The following SYNE1 variants were observed in gnomAD, a reference collection of about 807,000 sequenced individuals.
SYNE1 encodes nesprin-1.
SYNE1 carries 616 observed loss-of-function variants against 1,111.0 expected under a neutral mutation model. The observed-to-expected ratio is 0.55, with a 90% CI of 0.52 to 0.59. The LOEUF (loss-of-function observed/expected upper bound fraction) is 0.59. SYNE1 is among the 20% of genes least tolerant of loss of function. SYNE1 has a pLI of 0.00. For missense variants in SYNE1, 10,006 were observed against 10,417.0 expected, an observed-to-expected ratio of 0.96 and a Z score of 1.72; for synonymous variants, 3,855 against 3,825.8, an observed-to-expected ratio of 1.01 and a Z score of -0.28.
chr6:152,605,128 GGAGAAA>G (rs2099611453), intron 3 of SYNE1, among the ~76,000 whole-genome samples: 1 of 128,536 alleles, frequency 7.8e-6, no homozygotes, highest in Admixed American at 8.4e-5. Context: ...AAGGAAGGAA[GGAGAAA>G]GGAAAAAATT....
At chr6:152,593,586 A>G (rs1360607130) in intron 3 of SYNE1, among the ~76,000 whole-genome samples, 1 of 152,164 alleles carries the variant, frequency 6.6e-6, no homozygotes, top group African/African-American at 2.4e-5. Flanking sequence ...CTTTAAAAAA[A>G]AAAATGACAT....
chr6:152,634,707 A>T (rs1341305104), intron 2 of SYNE1, among the ~76,000 whole-genome samples: 1 of 152,246 alleles, frequency 6.6e-6, no homozygotes, highest in Non-Finnish European at 1.5e-5. Flanking sequence ...GTATAGCAGA[A>T]ATCAGCATGA....
chr6:152,248,043 T>C (rs565371752), intron 105 of SYNE1, among the ~76,000 whole-genome samples: 1 of 152,180 alleles, frequency 6.6e-6, no homozygotes, highest in African/African-American at 2.4e-5. Flanking sequence ...ATTTCTTCTA[T>C]CTGCATTTTC....
At chr6:152,573,743 A>G (rs1595630026) in intron 3 of SYNE1, among the ~76,000 whole-genome samples, 1 of 152,194 alleles carries the variant, frequency 6.6e-6, no homozygotes, top group Admixed American at 6.5e-5. Context: ...TCTAATTCAT[A>G]TGCTCAAGAA....
chr6:152,462,565 T>A, intron 20 of SYNE1, 173 bp downstream of exon 20: 1 of 687,614 alleles, frequency 1.5e-6, no homozygotes, highest in Admixed American at 2.8e-5. Flanking sequence ...TCAAGTCATG[T>A]CTTTTTTATG....
intron 51 of SYNE1, among the ~76,000 whole-genome samples, chr6:152,392,464 CA>C (rs2097659216): frequency 6.6e-6 from 1 of 152,056 alleles, no homozygotes; most frequent in Non-Finnish European, 1.5e-5. Context: ...GGAAAAAGCC[CA>C]GGATATCAGA....
At position 152,358,357 on chromosome 6, in the gene SYNE1, A is replaced by T. The variant is rs1215713496; in HGVS notation, c.10608+16T>A. ...AGAATGAAGATTCCTTTGTTTTAGG[A>T]TAAAGGAGGCCTTACCTGAAGATCA... On this transcript the variant is annotated intron_variant, in intron 66 of 145. Transcript: ENST00000367255. The T allele has an allele frequency of 1.2e-6, 2 of 1,614,004 alleles. No individual in the cohort carries two copies. The highest frequency in any genetic ancestry group is 1.7e-6 in the Non-Finnish European group (2 of 1,180,006).
rs889111484 is a variant in SYNE1 at position 152,352,197 on chromosome 6, C to T, written c.11410G>A (p.Val3804Ile). 7 of 1,614,044 alleles carry T rather than the reference C, an allele frequency of 4.3e-6. No homozygotes were observed. The highest frequency in any genetic ancestry group is 3.3e-5 in the South Asian group (3 of 91,082). Residue 3804 changes from valine (V) to isoleucine (I), a missense_variant, in exon 70 of 146, where the codon GTC (valine) becomes ATC (isoleucine). Physicochemically the swap from Val to Ile is conservative, Grantham distance 29. This residue lies in a region of SYNE1 where 4,955 missense variants were observed against 5,017.2 expected (regional missense o/e 0.99). Coordinates refer to ENST00000367255, the MANE Select transcript of SYNE1 (RefSeq NM_182961.4). ...MEQLKELTST[V>I]RKEHMTLEKG... Reference sequence around the variant, plus strand: ...TCCAGCGTCATGTGTTCTTTCCGGACAGTGCTGGTCAGTTCCTTCAACTGC... The same window carrying T: ...TCCAGCGTCATGTGTTCTTTCCGGATAGTGCTGGTCAGTTCCTTCAACTGC...
At position 152,230,578 on chromosome 6, in the gene SYNE1, G is replaced by T; in HGVS notation, c.21164C>A (p.Ala7055Asp). ...LKQQHRIGDQ[A>D]SVQNALKDCQ... is the part of the protein sequence containing the mutation. Reference sequence around the variant, plus strand: ...GTCTTTCAGTGCATTTTGAACAGAAGCCTGATCTCCAATTCGATGCTGTTG... The same window carrying T: ...GTCTTTCAGTGCATTTTGAACAGAATCCTGATCTCCAATTCGATGCTGTTG... Residue 7055 changes from alanine (A) to aspartate (D), a missense_variant, in exon 115 of 146, where the codon GCT (alanine) becomes GAT (aspartate). Coordinates refer to ENST00000367255, the MANE Select transcript of SYNE1 (RefSeq NM_182961.4). 1 of 1,614,090 alleles carries T rather than the reference G, an allele frequency of 6.2e-7. No homozygotes were observed. The highest frequency in any genetic ancestry group is 8.5e-7 in the Non-Finnish European group (1 of 1,179,988).
At chr6:152,272,844 T>A (rs1028729115) in intron 98 of SYNE1, among the ~76,000 whole-genome samples, 1 of 152,254 alleles carries the variant, frequency 6.6e-6, no homozygotes, top group African/African-American at 2.4e-5. Context: ...ATTTAATGGA[T>A]GATTTGTTTT....
chr6:152,391,931 G>A (rs1214487744), intron 51 of SYNE1, among the ~76,000 whole-genome samples: 1 of 152,170 alleles, frequency 6.6e-6, no homozygotes, highest in Non-Finnish European at 1.5e-5. Context: ...ATGGTCAGAT[G>A]AGGAAAAGCT....
intron 4 of SYNE1, among the ~76,000 whole-genome samples, chr6:152,531,903 A>G (rs1564677786): frequency 1.3e-5 from 2 of 152,292 alleles, no homozygotes; most frequent in African/African-American, 2.4e-5. Flanking sequence ...TCATCCATCA[A>G]TGGGCATCTG....
At chr6:152,267,199 T>C (rs1225958997) in intron 100 of SYNE1, among the ~76,000 whole-genome samples, 1 of 152,160 alleles carries the variant, frequency 6.6e-6, no homozygotes, top group Non-Finnish European at 1.5e-5. Context: ...TTACTTCCCC[T>C]AAAAAATGAC....
Position 152,398,669 on chromosome 6 carries a change from C to T in SYNE1, c.7300G>A (p.Asp2434Asn). 6.2e-7 allele frequency: 1 copy of T among 1,614,030 alleles called. No individual in the cohort carries two copies. Among genetic ancestry groups the T allele is most frequent in the Non-Finnish European group, 8.5e-7 (1 of 1,179,938 alleles). Residue 2434 changes from aspartate (D) to asparagine (N), a missense_variant, in exon 49 of 146, where the codon GAT becomes AAT. This residue lies in a region of SYNE1 where 4,955 missense variants were observed against 5,017.2 expected (regional missense o/e 0.99). Coordinates refer to ENST00000367255, the MANE Select transcript of SYNE1 (RefSeq NM_182961.4). ...GAKAAAKESSDRTGDSKVLEA... is the reference protein window; with the variant it reads ...GAKAAAKESSNRTGDSKVLEA... Reference sequence around the variant, plus strand: ...AGAACTTTGCTGTCACCGGTGCGATCTGATGATTCTTTTGCTGCTGCCTTT... The same window carrying T: ...AGAACTTTGCTGTCACCGGTGCGATTTGATGATTCTTTTGCTGCTGCCTTT...
intron 74 of SYNE1, 48 bp downstream of exon 74, chr6:152,344,033 G>C (rs746180839): frequency 1.2e-6 from 2 of 1,611,818 alleles, no homozygotes; most frequent in Non-Finnish European, 1.7e-6. Flanking sequence ...TTTCACTGAC[G>C]CTCTGAATGA....
At chr6:152,186,586 AAAAAAAAAAAG>A (rs1554511839) in intron 128 of SYNE1, among the ~76,000 whole-genome samples, 2 of 135,252 alleles carry the variant, frequency 1.5e-5, no homozygotes, top group African/African-American at 5.6e-5. Flanking sequence ...AAAAAAAAAA[AAAAAAAAAAAG>A]AAGAAGAAGA....
intron 98 of SYNE1, among the ~76,000 whole-genome samples, chr6:152,277,193 G>A (rs1366402869): frequency 2.8e-5 from 4 of 143,104 alleles, no homozygotes; most frequent in Middle Eastern, 4.6e-3. Flanking sequence ...CCTGGCCTGT[G>A]TACTTTTTAT....
intron 137 of SYNE1, chr6:152,145,638 GA>G: frequency 3.2e-5 from 40 of 1,262,404 alleles, no homozygotes; most frequent in Non-Finnish European, 4.1e-5. Context: ...TTTCCTAGGG[GA>G]AAAAAAGGAA....
At chr6:152,497,673 T>C (rs2099006916) in intron 11 of SYNE1, among the ~76,000 whole-genome samples, 1 of 152,224 alleles carries the variant, frequency 6.6e-6, no homozygotes, top group African/African-American at 2.4e-5. Context: ...ATTTAGTAAA[T>C]GACTTTCTAA....
Sources: gnomAD v4.1 joint callset for allele counts (sites outside exome capture counted in the v4.1 genomes callset) on GRCh38, gnomAD v4.1.1 for gene constraint, gnomAD v4.1.1 regional missense constraint, MANE v1.5 for transcripts, NCBI Gene and HGNC (gene_info 2026-07-23, HGNC 2026-07-21) for gene names.